Variants in ANKRD11 observed in about 807,000 individuals in gnomAD.
ANKRD11 encodes ankyrin repeat domain-containing protein 11.
In ANKRD11, 17 loss-of-function variants were observed where a neutral mutation model predicts 195.7. The ratio of observed to expected loss-of-function variants is 0.09; its 90% CI spans 0.06 to 0.13. The LOEUF (loss-of-function observed/expected upper bound fraction) is 0.13, where lower values mean the gene tolerates loss of function less well. Ranked by LOEUF, ANKRD11 falls within the 10% of genes least tolerant of loss-of-function variation. The pLI is 1.00. For missense variants in ANKRD11, 3,735 were observed against 3,566.1 expected (o/e 1.05, Z -1.21); for synonymous variants, 1,953 against 1,528.1 (o/e 1.28, Z -6.49).
At chr16:89,300,959 G>A (rs1384846065) in intron 4 of ANKRD11, 6 of 680,504 alleles carry the variant, frequency 8.8e-6, no homozygotes, top group Admixed American at 4.3e-5. Flanking sequence ...GGACCCCGGC[G>A]GTCCTAGGCA....
Position 89,284,872 on chromosome 16 carries a change from G to C in ANKRD11, c.1670C>G (p.Pro557Arg). The C allele has an allele frequency of 6.2e-7, 1 of 1,614,074 alleles. No homozygotes were observed. The highest frequency in any genetic ancestry group is 8.5e-7 in the Non-Finnish European group (1 of 1,180,028). Residue 557 changes from proline to arginine, a missense_variant, in exon 9 of 13, where the codon CCG becomes CGG. Transcript: ENST00000301030. ...RTDNWKTISS[P>R]AWSEVSSLSD... The stretch of plus-strand genomic sequence containing the variant: ...TAAAGAACTGACCTCTGACCAAGCC[G>C]GGGAAGAAATGGTTTTCCAATTGTC...
Position 89,429,772 on chromosome 16 carries a change from T to C in ANKRD11, c.-144-11404A>G, listed in dbSNP as rs1252413603. Among the ~76,000 whole-genome samples, 3 of 63,274 alleles carry C rather than the reference T, an allele frequency of 4.7e-5. 1 individual carries two copies. Among genetic ancestry groups the C allele is most frequent in the African/African-American group, 1.9e-4 (3 of 15,566 alleles). 41.5% of individuals were successfully genotyped at this position (63,274 alleles called of 152,430 possible). On this transcript the variant is annotated intron_variant, in intron 1 of 12. Coordinates refer to ENST00000301030, the MANE Select transcript of ANKRD11 (RefSeq NM_013275.6). ...AGTACACAGCAGGGACTCTCAACTC[T>C]CACGCTCAGTCGTTCTAGTACACAG...
At chr16:89,384,761 T>C (rs1243544461) in intron 2 of ANKRD11, among the ~76,000 whole-genome samples, 1 of 151,876 alleles carries the variant, frequency 6.6e-6, no homozygotes, top group Non-Finnish European at 1.5e-5. Context: ...TGGCAACCTG[T>C]ATTTAGCACC....
At chr16:89,318,172 C>A (rs1357045941) in intron 2 of ANKRD11, among the ~76,000 whole-genome samples, 1 of 152,232 alleles carries the variant, frequency 6.6e-6, no homozygotes, top group Admixed American at 6.5e-5. Context: ...CCTTCCCAGC[C>A]TCGTCCTGGT....
At chr16:89,420,155 T>A (rs2152238223) in intron 1 of ANKRD11, 1 of 152,284 alleles carries the variant, frequency 6.6e-6, no homozygotes, top group South Asian at 2.1e-4. Context: ...CTGGTTTCAG[T>A]GAAAAGCAGC....
At position 89,280,403 on chromosome 16, in the gene ANKRD11, C is replaced by T. The variant is rs748373867; in HGVS notation, c.6139G>A (p.Ala2047Thr). The change falls in exon 9 of 13, where the codon GCC becomes ACC. Residue 2047 changes from alanine to threonine, a missense_variant. Coordinates refer to ENST00000301030, the MANE Select transcript of ANKRD11 (RefSeq NM_013275.6). ...VKDGVDAVPA[A>T]ISTSEAAPYA... ...GGAGCCGCCTCTGAGGTGGAGATGG[C>T]GGCGGGGACGGCGTCCACTCCGTCC... The T allele has an allele frequency of 1.2e-5, 19 of 1,556,488 alleles. No homozygotes were observed. In the East Asian group the frequency reaches 3.6e-4, roughly 30 times the overall value.
chr16:89,270,694 C>A, intron 12 of ANKRD11, 123 bp downstream of exon 12: 1 of 939,094 alleles, frequency 1.1e-6, no homozygotes, highest in South Asian at 1.4e-5. Context: ...GAAATTGTCA[C>A]CGCCCATCAC....
intron 7 of ANKRD11, chr16:89,287,043 G>A: frequency 3.1e-6 from 4 of 1,289,754 alleles, no homozygotes; most frequent in Non-Finnish European, 4.0e-6. Flanking sequence ...AAAACCTCAG[G>A]CTTACAATTG....
At chr16:89,427,129 G>A (rs1437750475) in intron 1 of ANKRD11, among the ~76,000 whole-genome samples, 2 of 152,108 alleles carry the variant, frequency 1.3e-5, no homozygotes, top group East Asian at 3.8e-4. Flanking sequence ...CACAAGCAAT[G>A]AACAATCTGA....
At position 89,384,894 on chromosome 16, in the gene ANKRD11, T is replaced by C. The variant is rs1389598982; in HGVS notation, c.-60+33390A>G. Among the ~76,000 whole-genome samples the C allele has an allele frequency of 6.3e-5, 8 of 127,490 alleles. 1 individual carries two copies. Among genetic ancestry groups the C allele is most frequent in the Non-Finnish European group, 9.9e-5 (6 of 60,636 alleles). The allele number at this position is 127,490 out of a possible 152,430, so 83.6% of individuals were successfully genotyped here. A position where few individuals can be genotyped will look rare whatever the true frequency, so the allele number is the denominator to read the frequency against. ...AAATAGTTTTCTTTTTTTTTTTTTT[T>C]TTTTTTTTTTTTTGAGACTACGTTT... On this transcript the variant is annotated intron_variant, in intron 2 of 12. Transcript: ENST00000301030.
intron 2 of ANKRD11, among the ~76,000 whole-genome samples, chr16:89,321,669 C>G (rs2037336036): frequency 6.6e-6 from 1 of 151,988 alleles, no homozygotes; most frequent in African/African-American, 2.4e-5. Context: ...TAAGAAAAAA[C>G]TTGTAATGAC....
rs139381666 is a variant in ANKRD11 at position 89,294,121 on chromosome 16, G to A, written c.227-2938C>T. On this transcript the variant is annotated intron_variant, in intron 4 of 12. Coordinates refer to ENST00000301030, the MANE Select transcript of ANKRD11 (RefSeq NM_013275.6). ...TCAGGGTCAGGGCCACATCCCTCCC[G>A]CTCCCCACCAGGCCCTCCCTCTGCT... Among the ~76,000 whole-genome samples the A allele has an allele frequency of 3.1e-3, 467 of 152,250 alleles. 8 individuals are homozygous for A. Among genetic ancestry groups the A allele is most frequent in the African/African-American group, 0.01 (435 of 41,534 alleles).
intron 1 of ANKRD11, among the ~76,000 whole-genome samples, chr16:89,450,823 G>T (rs893567624): frequency 1.3e-5 from 2 of 151,972 alleles, no homozygotes; most frequent in Non-Finnish European, 2.9e-5. Flanking sequence ...ATTCTATTTT[G>T]TTCAATTTAA....
chr16:89,282,569 A>T lies in ANKRD11; in HGVS notation c.3973T>A (p.Phe1325Ile), dbSNP rs138543822. The change falls in exon 9 of 13, where the codon TTC becomes ATC. Residue 1325 changes from phenylalanine (F) to isoleucine (I), a missense_variant. Phe to Ile is a conservative substitution (Grantham distance 21). Coordinates refer to ENST00000301030, the MANE Select transcript of ANKRD11 (RefSeq NM_013275.6). ...PGLTAFLEVSFTEPPGDDKPR... is the reference protein window; with the variant it reads ...PGLTAFLEVSITEPPGDDKPR... ...TTGTCGTCTCCAGGTGGCTCCGTGA[A>T]AGAGACCTCCAGGAAGGCAGTCAGC... 9.4e-5 allele frequency: 151 copies of T among 1,613,878 alleles called. No homozygotes were observed. The highest frequency in any genetic ancestry group is 1.2e-4 in the Non-Finnish European group (140 of 1,179,976).
intron 11 of ANKRD11, chr16:89,272,725 C>T (rs918350093): frequency 2.6e-5 from 4 of 152,056 alleles, no homozygotes; most frequent in African/African-American, 7.3e-5. Context: ...CCATATTTAA[C>T]GCAACCCCAT....
rs117186643 is a variant in ANKRD11, at chr16:89,356,419, G to C, written c.-59-39341C>G. On this transcript the variant is annotated intron_variant, in intron 2 of 12. Coordinates refer to ENST00000301030, the MANE Select transcript of ANKRD11 (RefSeq NM_013275.6). ...CTCCGGAAGCCAGATGGAGCAGCTG[G>C]ACACATTCAGAACAGTGCTTTCAAG... 8.6e-5 allele frequency among the ~76,000 whole-genome samples: 13 copies of C among 151,966 alleles called. No homozygotes were observed. The East Asian group carries it at 2.5e-3, about 30-fold the overall frequency.
In ANKRD11 at chr16:89,334,181, A is replaced by G. The variant is rs568040329; in HGVS notation, c.-59-17103T>C. Among the ~76,000 whole-genome samples the G allele has an allele frequency of 3.5e-5, 5 of 143,708 alleles. No homozygotes were observed. In the East Asian group the frequency reaches 6.2e-4, roughly 18 times the overall value. The allele number at this position is 143,708 out of a possible 152,430, so 94.3% of individuals were successfully genotyped here. On this transcript the variant is annotated intron_variant, in intron 2 of 12. Transcript: ENST00000301030. ...AAAAAAAAAAAAAAAAAACAGAGAG[A>G]GAGAGAAAGAAAGAAAAAACACTGT...
chr16:89,370,914 C>G (rs1034436053), intron 2 of ANKRD11, among the ~76,000 whole-genome samples: 6 of 152,144 alleles, frequency 3.9e-5, no homozygotes, highest in Non-Finnish European at 7.3e-5. Context: ...AAGAACAGAA[C>G]CCTGCAGGCG....
intron 7 of ANKRD11, chr16:89,287,900 T>C (rs2034761041): frequency 2.7e-6 from 1 of 377,086 alleles, no homozygotes; most frequent in African/African-American, 2.1e-5. Flanking sequence ...TCAGCCTTGC[T>C]GTCCTGCCTG....
Sources: gnomAD v4.1 joint callset for allele counts (sites outside exome capture counted in the v4.1 genomes callset) on GRCh38, gnomAD v4.1.1 for gene constraint, MANE v1.5 for transcripts, NCBI Gene and HGNC (gene_info 2026-07-23, HGNC 2026-07-21) for gene names.